MED12L: variants seen among roughly 807,000 people sequenced by gnomAD.
MED12L encodes mediator complex subunit 12L.
In MED12L, 60 loss-of-function variants were observed where a neutral mutation model predicts 281.3. The ratio of observed to expected loss-of-function variants is 0.21; its 90% CI spans 0.17 to 0.26. The LOEUF (loss-of-function observed/expected upper bound fraction) is 0.26, where lower values mean the gene tolerates loss of function less well. Ranked by LOEUF, MED12L falls within the 10% of genes least tolerant of loss-of-function variation. MED12L has a pLI of 1.00. For synonymous variants in MED12L, 974 were observed against 987.2 expected, an observed-to-expected ratio of 0.99 and a Z score of 0.25; for missense variants, 2,146 against 2,680.9, an observed-to-expected ratio of 0.80 and a Z score of 4.41.
chr3:151,121,174 A>G (rs771930082), intron 3 of MED12L, among the ~76,000 whole-genome samples: 10 of 152,198 alleles, frequency 6.6e-5, no homozygotes, highest in Non-Finnish European at 1.3e-4. Flanking sequence ...AAAATTAAAC[A>G]ATTGGCTGCT....
At chr3:151,097,302 G>A (rs1276549182) in intron 2 of MED12L, among the ~76,000 whole-genome samples, 2 of 152,192 alleles carry the variant, frequency 1.3e-5, no homozygotes, top group African/African-American at 4.8e-5. Context: ...ACCCTGAGAA[G>A]AGGAGAAAAA....
intron 16 of MED12L, chr3:151,213,238 C>A: frequency 1.6e-6 from 2 of 1,256,952 alleles, no homozygotes; most frequent in East Asian, 2.3e-5. Flanking sequence ...TTATTGATTT[C>A]TGTTATGTAA....
chr3:151,151,315 G>T (rs1017126220), intron 5 of MED12L, among the ~76,000 whole-genome samples: 20 of 152,036 alleles, frequency 1.3e-4, no homozygotes, highest in Admixed American at 9.8e-4. Context: ...GGGATTACAG[G>T]CGTGAGCCAC....
At chr3:151,417,487 C>CCCTTT (rs1717736742) in intron 43 of MED12L, among the ~76,000 whole-genome samples, 9 of 78,812 alleles carry the variant, frequency 1.1e-4, no homozygotes, top group South Asian at 5.8e-4. Context: ...CCCCCCCCGC[C>CCCTTT]TTTTTTTTTT....
intron 5 of MED12L, among the ~76,000 whole-genome samples, chr3:151,146,008 C>T (rs1006235689): frequency 1.3e-5 from 2 of 152,108 alleles, no homozygotes; most frequent in Non-Finnish European, 2.9e-5. Context: ...CTGATCTTGC[C>T]GTTGCTGTGT....
chr3:151,345,523 T>C (rs567278895), intron 16 of MED12L, among the ~76,000 whole-genome samples: 12 of 135,192 alleles, frequency 8.9e-5, no homozygotes, highest in Admixed American at 4.4e-4. Context: ...TTTTCTTTTT[T>C]TTTTTTTTTT....
chr3:151,221,265 A>G (rs6786015), intron 16 of MED12L, among the ~76,000 whole-genome samples: 1,824 of 152,344 alleles, frequency 0.012, 37 homozygotes, highest in African/African-American at 0.042. Context: ...AGCAGAGCTT[A>G]AAAGTTCAGA....
chr3:151,354,888 T>G (rs961676926), intron 17 of MED12L, among the ~76,000 whole-genome samples: 2 of 152,176 alleles, frequency 1.3e-5, no homozygotes, highest in African/African-American at 2.4e-5. Flanking sequence ...TTGTTAGGTG[T>G]CAGGATTTTG....
chr3:151,192,108 G>C (rs976607097), intron 14 of MED12L, among the ~76,000 whole-genome samples: 12 of 152,276 alleles, frequency 7.9e-5, no homozygotes, highest in African/African-American at 2.4e-4. Flanking sequence ...ATTGACAGTA[G>C]CAATTACAAG....
intron 16 of MED12L, among the ~76,000 whole-genome samples, chr3:151,330,307 T>C (rs911636542): frequency 6.6e-5 from 10 of 152,220 alleles, no homozygotes; most frequent in Middle Eastern, 3.2e-3. Flanking sequence ...AGAGATATTA[T>C]ACTCTTTCAC....
intron 3 of MED12L, among the ~76,000 whole-genome samples, chr3:151,120,799 A>G (rs1270090440): frequency 2.6e-5 from 4 of 152,188 alleles, no homozygotes; most frequent in South Asian, 2.1e-4. Context: ...ATATATTGCT[A>G]TTGCAATTAA....
intron 38 of MED12L, among the ~76,000 whole-genome samples, chr3:151,391,033 C>G (rs372604311): frequency 2.0e-5 from 3 of 152,124 alleles, no homozygotes; most frequent in Admixed American, 2.0e-4. Context: ...TATGCTAATA[C>G]CTATTCCCAT....
intron 26 of MED12L, among the ~76,000 whole-genome samples, chr3:151,371,715 A>G (rs1756211277): frequency 6.6e-6 from 1 of 152,222 alleles, no homozygotes; most frequent in Non-Finnish European, 1.5e-5. Flanking sequence ...GTCAAGGCCT[A>G]TGATCCTGTG....
At chr3:151,131,908 T>C (rs1433882522) in intron 5 of MED12L, among the ~76,000 whole-genome samples, 2 of 152,210 alleles carry the variant, frequency 1.3e-5, no homozygotes, top group Non-Finnish European at 1.5e-5. Flanking sequence ...ATACCCATAA[T>C]GGATGGATTA....
chr3:151,260,612 A>G (rs1457073847), intron 16 of MED12L, among the ~76,000 whole-genome samples: 9 of 152,144 alleles, frequency 5.9e-5, no homozygotes, highest in Non-Finnish European at 8.8e-5. Flanking sequence ...CAGTCTACCA[A>G]CATGCTGGAA....
intron 5 of MED12L, among the ~76,000 whole-genome samples, chr3:151,145,091 C>T (rs1240225450): frequency 2.0e-5 from 3 of 152,196 alleles, no homozygotes; most frequent in Non-Finnish European, 4.4e-5. Flanking sequence ...AGGCTAAGAA[C>T]ACTTACTAGC....
In MED12L at chr3:151,165,827, G is replaced by T. The variant is rs200450084; in HGVS notation, c.1358-19G>T. ...TTATTTTTGGCCTCATTAACCACTT[G>T]TTTAATTTCTGCCTATAGGGGTGAC... On this transcript the variant is annotated intron_variant, in intron 10 of 44. Transcript: ENST00000687756. The T allele has an allele frequency of 5.9e-4, 956 of 1,606,756 alleles. 8 individuals are homozygous for T. The African/African-American group carries it at 0.012, about 19-fold the overall frequency.
intron 2 of MED12L, among the ~76,000 whole-genome samples, chr3:151,088,543 G>A (rs1719579597): frequency 6.6e-6 from 1 of 152,138 alleles, no homozygotes; most frequent in South Asian, 2.1e-4. Context: ...TGTCTTTCCA[G>A]AGGGCAGCAT....
intron 16 of MED12L, among the ~76,000 whole-genome samples, chr3:151,206,514 G>T (rs1203691205): frequency 6.6e-6 from 1 of 151,662 alleles, no homozygotes; most frequent in Admixed American, 6.6e-5. Context: ...AATTTATGGA[G>T]GGGAAATTTA....
Sources: gnomAD v4.1 joint callset for allele counts (sites outside exome capture counted in the v4.1 genomes callset) on GRCh38, gnomAD v4.1.1 for gene constraint, MANE v1.5 for transcripts, NCBI Gene and HGNC (gene_info 2026-07-23, HGNC 2026-07-21) for gene names.